The following IFT81 variants were observed in gnomAD, a reference collection of about 807,000 sequenced individuals.
The protein encoded by IFT81 is intraflagellar transport 81, also known as intraflagellar transport protein 81 homolog.
A neutral mutation model predicts 102.6 loss-of-function variants in IFT81; 72 were observed. The observed-to-expected ratio is 0.70, with a 90% CI of 0.58 to 0.85. The LOEUF (loss-of-function observed/expected upper bound fraction) is 0.85, where lower values mean the gene tolerates loss of function less well. Among genes scored for constraint, IFT81 ranks in the 40% least tolerant of loss-of-function variants. The pLI is 0.00. For missense variants in IFT81, 723 were observed against 787.3 expected, an observed-to-expected ratio of 0.92 and a Z score of 0.98; for synonymous variants, 237 against 242.7, an observed-to-expected ratio of 0.98 and a Z score of 0.22.
In IFT81 at chr12:110,205,465, A is replaced by C; in HGVS notation, c.1667A>C (p.Glu556Ala). 6.2e-7 allele frequency: 1 copy of C among 1,602,684 alleles called. No homozygotes were observed. Among genetic ancestry groups the C allele is most frequent in the East Asian group, 2.2e-5 (1 of 44,592 alleles). ...LEQEVRRLRE[E>A]CLQEESRYHY... ...TAGGAAGTTAGAAGACTCCGTGAAG[A>C]ATGTCTTCAAGAAGAAAGTAGATAC... Residue 556 changes from glutamate to alanine, a missense_variant, in exon 16 of 19, where the codon GAA becomes GCA. By Grantham distance (107) the Glu-to-Ala change is moderately radical. Coordinates refer to ENST00000242591, the MANE Select transcript of IFT81 (RefSeq NM_014055.4).
At position 110,194,054 on chromosome 12, in the gene IFT81, G is replaced by T. The variant is rs138620836; in HGVS notation, c.1557+1348G>T. Among the ~76,000 whole-genome samples the T allele has an allele frequency of 5.3e-5, 8 of 152,214 alleles. No individual in the cohort carries two copies. In the East Asian group the frequency reaches 1.4e-3, roughly 26 times the overall value. On this transcript the variant is annotated intron_variant, in intron 14 of 18. Coordinates refer to ENST00000242591, the MANE Select transcript of IFT81 (RefSeq NM_014055.4). ...CTAGAGCAGCAAGGGGGTGGGAGGA[G>T]GGGCCTCACACTTTTAAACAACGAG...
At position 110,146,901 on chromosome 12, in the gene IFT81, G is replaced by A. The variant is rs142842085; in HGVS notation, c.946-52G>A. On this transcript the variant is annotated intron_variant, in intron 9 of 18. Coordinates refer to ENST00000242591, the MANE Select transcript of IFT81 (RefSeq NM_014055.4). ...TTTGGCCAGACGTCACTTAGTTTGT[G>A]TACTTATAGGGAAAGTTTTAACTTT... 213 of 1,526,142 alleles carry A rather than the reference G, an allele frequency of 1.4e-4. No homozygotes were observed. In the African/African-American group the frequency reaches 2.6e-3, roughly 18 times the overall value. The allele number at this position is 1,526,142 out of a possible 1,614,324, so 94.5% of individuals were successfully genotyped here. A position where few individuals can be genotyped will look rare whatever the true frequency, so the allele number is the denominator to read the frequency against.
chr12:110,163,590 G>A (rs554233422), intron 11 of IFT81, among the ~76,000 whole-genome samples: 3 of 149,586 alleles, frequency 2.0e-5, no homozygotes, highest in Admixed American at 6.7e-5. Flanking sequence ...ATGATTTTAC[G>A]AGATATTATG....
intron 10 of IFT81, among the ~76,000 whole-genome samples, chr12:110,148,766 C>G (rs1895364187): frequency 2.6e-5 from 4 of 152,128 alleles, no homozygotes. Flanking sequence ...AGCCACCGTG[C>G]CTGGCCCTGG....
intron 14 of IFT81, among the ~76,000 whole-genome samples, chr12:110,193,799 A>G (rs1413917641): frequency 6.6e-6 from 1 of 152,226 alleles, no homozygotes; most frequent in Non-Finnish European, 1.5e-5. Context: ...AAATTTGAAT[A>G]TTAACAGCTG....
At position 110,135,330 on chromosome 12, in the gene IFT81, G is replaced by C. The variant is rs746943895; in HGVS notation, c.589G>C (p.Glu197Gln). Residue 197 changes from glutamate (E) to glutamine (Q), a missense_variant, in exon 7 of 19, where the codon GAG becomes CAG. Physicochemically the swap from Glu to Gln is conservative, Grantham distance 29. Coordinates refer to ENST00000242591, the MANE Select transcript of IFT81 (RefSeq NM_014055.4). ...KRVEHLKKRV[E>Q]TAQNHQWMLK... is the part of the protein sequence containing the mutation. ...ACTACTTATTCCCTTACTGTAGGTT[G>C]AGACAGCTCAGAATCATCAATGGAT... 6.2e-6 allele frequency: 10 copies of C among 1,603,164 alleles called. No homozygotes were observed. Among genetic ancestry groups the C allele is most frequent in the Admixed American group, 1.7e-5 (1 of 58,322 alleles).
chr12:110,142,796 AGGAGGCTAAGGTG>A (rs1307810120), intron 8 of IFT81, among the ~76,000 whole-genome samples: 1 of 152,050 alleles, frequency 6.6e-6, no homozygotes, highest in African/African-American at 2.4e-5. Context: ...CCAGCTACTC[AGGAGGCTAAGGTG>A]GGAGGATCAC....
intron 11 of IFT81, among the ~76,000 whole-genome samples, chr12:110,179,725 T>C (rs1897209297): frequency 1.4e-4 from 1 of 7,018 alleles, no homozygotes; most frequent in Non-Finnish European, 2.4e-4. Flanking sequence ...ATCTCGAAAT[T>C]ATATATATAT....
At chr12:110,197,494 T>C (rs1422146321) in intron 14 of IFT81, among the ~76,000 whole-genome samples, 3 of 148,512 alleles carry the variant, frequency 2.0e-5, no homozygotes. Context: ...CTTTTCTCTT[T>C]TTTCCCTTTT....
At chr12:110,168,631 G>C (rs572026286) in intron 11 of IFT81, 28 of 164,004 alleles carry the variant, frequency 1.7e-4, no homozygotes, top group Non-Finnish European at 2.9e-4. Flanking sequence ...ACATGAGGGT[G>C]ACTAAAATGG....
chr12:110,193,298 A>AT (rs1897875011), intron 14 of IFT81, among the ~76,000 whole-genome samples: 1 of 152,112 alleles, frequency 6.6e-6, no homozygotes, highest in Admixed American at 6.6e-5. Flanking sequence ...GCCAGAGGAG[A>AT]TTTTTTCTTT....
At position 110,129,067 on chromosome 12, in the gene IFT81, A is replaced by C; in HGVS notation, c.366A>C (p.Leu122Phe). 1 of 1,607,014 alleles carries C rather than the reference A, an allele frequency of 6.2e-7. No homozygotes were observed. Among genetic ancestry groups the C allele is most frequent in the Non-Finnish European group, 8.5e-7 (1 of 1,178,300 alleles). ...LKKRAYLARF[L>F]IKLEVPSEFL... ...AAAGAGCATATTTAGCTCGTTTTTT[A>C]ATAAAACTTGAGGTACCAAGTGAGT... The change falls in exon 4 of 19, where the codon TTA (leucine) becomes TTC (phenylalanine). Residue 122 changes from leucine to phenylalanine, a missense_variant. By Grantham distance (22) the Leu-to-Phe change is conservative. Coordinates refer to ENST00000242591, the MANE Select transcript of IFT81 (RefSeq NM_014055.4).
intron 11 of IFT81, among the ~76,000 whole-genome samples, chr12:110,163,488 G>A (rs768070427): frequency 3.3e-5 from 5 of 152,086 alleles, no homozygotes. Flanking sequence ...TGATCTGCCT[G>A]CCTTGGCCTC....
At chr12:110,144,243 G>A (rs1364099891) in intron 9 of IFT81, among the ~76,000 whole-genome samples, 1 of 150,524 alleles carries the variant, frequency 6.6e-6, no homozygotes, top group Non-Finnish European at 1.5e-5. Context: ...TTGAGACAGA[G>A]TCTCGTTCTG....
intron 18 of IFT81, among the ~76,000 whole-genome samples, chr12:110,212,053 A>G (rs1265831708): frequency 1.3e-5 from 2 of 152,160 alleles, no homozygotes; most frequent in African/African-American, 4.8e-5. Context: ...TACATTGGTG[A>G]TGGCAAAGTT....
chr12:110,190,777 G>A (rs1257477195), intron 12 of IFT81, 143 bp from the exon 13 acceptor site: 2 of 621,544 alleles, frequency 3.2e-6, no homozygotes, highest in African/African-American at 1.9e-5. Flanking sequence ...AATAATAATT[G>A]AAGTCAATGA....
rs561693274 is a variant in IFT81, at chr12:110,137,638, C to T, written c.781+778C>T. ...ATAATCTCAGCTACTCAGGATGCTG[C>T]GGCAGGAGAATTGCTTGAACCTAGA... On this transcript the variant is annotated intron_variant, in intron 8 of 18. Coordinates refer to ENST00000242591, the MANE Select transcript of IFT81 (RefSeq NM_014055.4). 1.1e-4 allele frequency among the ~76,000 whole-genome samples: 17 copies of T among 149,094 alleles called. No homozygotes were observed. The East Asian group carries it at 3.3e-3, about 29-fold the overall frequency.
chr12:110,145,094 A>G (rs1008299739), intron 9 of IFT81, among the ~76,000 whole-genome samples: 1 of 145,126 alleles, frequency 6.9e-6, no homozygotes, highest in Non-Finnish European at 1.5e-5. Context: ...GTTCAGTGAC[A>G]TGATCACAGC....
chr12:110,130,344 T>C (rs1051231929), intron 4 of IFT81, among the ~76,000 whole-genome samples: 4 of 151,552 alleles, frequency 2.6e-5, no homozygotes, highest in Non-Finnish European at 5.9e-5. Context: ...AATTAATTTA[T>C]CTAGAGGAAG....
Sources: gnomAD v4.1 joint callset for allele counts (sites outside exome capture counted in the v4.1 genomes callset) on GRCh38, gnomAD v4.1.1 for gene constraint, MANE v1.5 for transcripts, NCBI Gene and HGNC (gene_info 2026-07-23, HGNC 2026-07-21) for gene names.